The following NOTCH3 variants were observed in gnomAD, a reference collection of about 807,000 sequenced individuals.
NOTCH3 encodes neurogenic locus notch homolog protein 3.
A neutral mutation model predicts 213.3 loss-of-function variants in NOTCH3; 86 were observed. The observed-to-expected ratio is 0.40, with a 90% CI of 0.34 to 0.48. The LOEUF (loss-of-function observed/expected upper bound fraction) is 0.48, where lower values mean the gene tolerates loss of function less well. NOTCH3 is among the 20% of genes least tolerant of loss of function. The pLI is 0.57. For synonymous variants in NOTCH3, 1,354 were observed against 1,355.9 expected (o/e 1.00, Z 0.03); for missense variants, 2,783 against 3,272.6 (o/e 0.85, Z 3.65).
chr19:15,162,613 C>G (rs113742824), intron 31 of NOTCH3, 51 bp from the exon 32 acceptor site: 1 of 1,470,998 alleles, frequency 6.8e-7, no homozygotes, highest in Non-Finnish European at 9.5e-7. Context: ...TCCTGGGGCC[C>G]CCATGTCAGG....
chr19:15,178,351 T>C, intron 23 of NOTCH3: 2 of 488,532 alleles, frequency 4.1e-6, no homozygotes, highest in Non-Finnish European at 7.3e-6. Flanking sequence ...ATCCTCACCC[T>C]TTTCCCTTCA....
In NOTCH3 at chr19:15,178,760, C is replaced by T. The variant is rs1422591355; in HGVS notation, c.3837+63G>A. 7.7e-6 allele frequency: 9 copies of T among 1,167,626 alleles called. No homozygotes were observed. The Admixed American group carries it at 1.2e-4, about 15-fold the overall frequency. The allele number at this position is 1,167,626 out of a possible 1,614,324, so 72.3% of individuals were successfully genotyped here. On this transcript the variant is annotated intron_variant, in intron 23 of 32. Transcript: ENST00000263388. ...AGCCACATCCTCCTCCTAGACGCCACGCCCCTACTACTCCAGAGGCCACGC... is the reference window on the plus strand; with the variant it reads ...AGCCACATCCTCCTCCTAGACGCCATGCCCCTACTACTCCAGAGGCCACGC...
chr19:15,177,235 C>A (rs1302578732), intron 24 of NOTCH3, among the ~76,000 whole-genome samples: 1 of 147,318 alleles, frequency 6.8e-6, no homozygotes, highest in Admixed American at 6.8e-5. Flanking sequence ...GGCCACAGAG[C>A]AAGACTCCAT....
chr19:15,184,582 G>T, intron 15 of NOTCH3, 132 bp from the exon 16 acceptor site: 1 of 870,582 alleles, frequency 1.1e-6, no homozygotes, highest in Non-Finnish European at 1.8e-6. Flanking sequence ...ATTCGTGTCT[G>T]GGCATTTTGC....
Position 15,185,120 on chromosome 19 carries a change from C to A in NOTCH3, c.2297-101G>T. 7.5e-7 allele frequency: 1 copy of A among 1,333,200 alleles called. No homozygotes were observed. Among genetic ancestry groups the A allele is most frequent in the Middle Eastern group, 2.3e-4 (1 of 4,328 alleles). The allele number at this position is 1,333,200 out of a possible 1,614,324, so 82.6% of individuals were successfully genotyped here. On this transcript the variant is annotated intron_variant, in intron 14 of 32. Coordinates refer to ENST00000263388, the MANE Select transcript of NOTCH3 (RefSeq NM_000435.3). The surrounding 1 kb of genome is among the most constrained non-coding windows in gnomAD (Gnocchi z 4.2). ...AACCCCAGGGTCCCCACCTTGATAC[C>A]CACCTCCCAAGCTCCTGGAGGGAAA...
In NOTCH3 at chr19:15,187,267, C is replaced by T. The variant is rs200160665; in HGVS notation, c.1678G>A (p.Val560Met). 5.9e-5 allele frequency: 95 copies of T among 1,614,126 alleles called. No individual in the cohort carries two copies. The highest frequency in any genetic ancestry group is 4.6e-4 in the South Asian group (42 of 91,088). ...SPDPCHHGRC[V>M]DGIASFSCAC... ...CATGAGAAGCTGGCGATGCCATCCA[C>T]GCAGCGACCATGGTGGCATGGGTCA... The change falls in exon 11 of 33, where the codon GTG becomes ATG. Residue 560 changes from valine to methionine, a missense_variant. Coordinates refer to ENST00000263388, the MANE Select transcript of NOTCH3 (RefSeq NM_000435.3).
intron 2 of NOTCH3, among the ~76,000 whole-genome samples, chr19:15,193,023 GTCCCTATCCCTCTGGA>G (rs1208886122): frequency 6.6e-6 from 1 of 152,130 alleles, no homozygotes; most frequent in Non-Finnish European, 1.5e-5. Context: ...AATGAAAGGG[GTCCCTATCCCTCTGGA>G]TCCTTGCAGC....
intron 29 of NOTCH3, 96 bp from the exon 30 acceptor site, chr19:15,166,187 T>G (rs1271518410): frequency 1.9e-6 from 2 of 1,035,496 alleles, no homozygotes; most frequent in Admixed American, 3.8e-5. Flanking sequence ...ATGGGACACA[T>G]GGAAAAATGA....
At position 15,170,390 on chromosome 19, in the gene NOTCH3, G is replaced by A. The variant is rs763442658; in HGVS notation, c.5055C>T (p.Asp1685=). Residue 1685 remains aspartate (D), a synonymous_variant, in exon 27 of 33, where the codon GAC becomes GAT. Coordinates refer to ENST00000263388, the MANE Select transcript of NOTCH3 (RefSeq NM_000435.3). ...GCCGGCCCTTGTGACCAGAGGCCAC[G>A]TCCTTGTGCAGTGAGAAGCCCTCAG... ...WFPEGFSLHK[D]VASGHKGRRE... 2.5e-6 allele frequency: 4 copies of A among 1,613,636 alleles called. No individual in the cohort carries two copies. The South Asian group carries it at 3.3e-5, about 13-fold the overall frequency.
intron 10 of NOTCH3, 134 bp downstream of exon 10, chr19:15,187,747 C>T: frequency 2.7e-6 from 2 of 750,778 alleles, no homozygotes; most frequent in Non-Finnish European, 4.7e-6. Context: ...TTATTGGCTC[C>T]ACCCCCCAAC....
chr19:15,171,729 G>A (rs2145403871), intron 25 of NOTCH3, among the ~76,000 whole-genome samples: 1 of 152,312 alleles, frequency 6.6e-6, no homozygotes, highest in East Asian at 1.9e-4. Flanking sequence ...GGAGTGCAGT[G>A]GTGCAATCTC....
chr19:15,171,654 C>T (rs762677900), intron 25 of NOTCH3, among the ~76,000 whole-genome samples: 1 of 152,186 alleles, frequency 6.6e-6, no homozygotes, highest in Non-Finnish European at 1.5e-5. Flanking sequence ...TGGGCCACTA[C>T]GCCCAGCCAA....
rs61399527 is a variant in NOTCH3, at chr19:15,176,762, TAAAA to T, written c.4403+759_4403+762del. 2.5e-4 allele frequency among the ~76,000 whole-genome samples: 14 copies of T among 55,638 alleles called. 1 individual carries two copies. The highest frequency in any genetic ancestry group is 9.1e-4 in the African/African-American group (10 of 11,048). 36.5% of individuals were successfully genotyped at this position (55,638 alleles called of 152,430 possible). On this transcript the variant is annotated intron_variant, in intron 24 of 32. Transcript: ENST00000263388. ...TGGGCCACAGAGCAAGACCCTGTCT[TAAAA>T]AAAAAAAAAAAAAAAAAAAAAAGGA... is the stretch of plus-strand genomic sequence containing the variant.
chr19:15,185,636 T>C lies in NOTCH3; in HGVS notation c.1995A>G (p.Pro665=), dbSNP rs2145430460. Residue 665 remains proline (P), a synonymous_variant, in exon 13 of 33, where the codon CCA becomes CCG. Transcript: ENST00000263388. The surrounding 1 kb of genome is among the most constrained non-coding windows in gnomAD (Gnocchi z 4.2). The stretch of plus-strand genomic sequence containing the variant: ...CCACACAGGAACCTCCCTCGCCGCA[T>C]GGGCTGGAAGCACACTCATTGATCT... ...NVEINECASS[P]CGEGGSCVDG... The C allele has an allele frequency of 6.2e-7, 1 of 1,613,560 alleles. No individual in the cohort carries two copies. Among genetic ancestry groups the C allele is most frequent in the Non-Finnish European group, 8.5e-7 (1 of 1,180,000 alleles).
At chr19:15,195,898 G>A (rs938944843) in intron 2 of NOTCH3, among the ~76,000 whole-genome samples, 1 of 151,388 alleles carries the variant, frequency 6.6e-6, no homozygotes, top group African/African-American at 2.4e-5. Flanking sequence ...CACGGCCTAA[G>A]CTTTGGGGGA....
At chr19:15,174,491 C>T in intron 24 of NOTCH3, 91 bp from the exon 25 acceptor site, 2 of 963,490 alleles carry the variant, frequency 2.1e-6, no homozygotes, top group Non-Finnish European at 3.0e-6. Flanking sequence ...AGTACAGAGA[C>T]TCCAGACAAG....
intron 2 of NOTCH3, among the ~76,000 whole-genome samples, chr19:15,194,541 G>A (rs919539271): frequency 3.9e-5 from 6 of 152,296 alleles, no homozygotes; most frequent in Admixed American, 6.5e-5. Flanking sequence ...GGGTTAAGGG[G>A]GATAGAATGA....
intron 8 of NOTCH3, 63 bp from the exon 9 acceptor site, chr19:15,188,411 G>A: frequency 9.4e-7 from 1 of 1,062,768 alleles, no homozygotes; most frequent in Admixed American, 2.0e-5. Context: ...GGGGTGCAAG[G>A]AAGGAGGTAC....
Position 15,179,506 on chromosome 19 carries a change from G to A in NOTCH3, c.3328-10C>T. ...TGTAGCCAGGAAGACACTTCAGTGG[G>A]GTAAGAGAGGGACCCACTCAGCTTA... is the stretch of plus-strand genomic sequence containing the variant. On this transcript the variant is annotated splice_polypyrimidine_tract_variant and intron_variant, in intron 20 of 32. Transcript: ENST00000263388. 6.2e-7 allele frequency: 1 copy of A among 1,613,640 alleles called. No individual in the cohort carries two copies. Among genetic ancestry groups the A allele is most frequent in the Non-Finnish European group, 8.5e-7 (1 of 1,179,968 alleles).
Sources: gnomAD v4.1 joint callset for allele counts (sites outside exome capture counted in the v4.1 genomes callset) on GRCh38, gnomAD v4.1.1 for gene constraint, Gnocchi (gnomAD v3.1) non-coding constraint, MANE v1.5 for transcripts, NCBI Gene and HGNC (gene_info 2026-07-23, HGNC 2026-07-21) for gene names.